RIPOR3: variants seen among roughly 807,000 people sequenced by gnomAD.
RIPOR3 encodes family with sequence similarity 65 member C.
RIPOR3 carries 95 observed loss-of-function variants against 114.3 expected under a neutral mutation model. The observed-to-expected ratio is 0.83, with a 90% CI of 0.70 to 0.99. RIPOR3 has a LOEUF of 0.99. Among genes scored for constraint, RIPOR3 ranks in the 50% least tolerant of loss-of-function variants. RIPOR3 has a pLI of 0.00. For missense variants in RIPOR3, 1,252 were observed against 1,266.9 expected (o/e 0.99, Z 0.18); for synonymous variants, 575 against 543.8 (o/e 1.06, Z -0.80).
chr20:50,670,534 C>T (rs1391313921), intron 1 of RIPOR3, among the ~76,000 whole-genome samples: 2 of 152,120 alleles, frequency 1.3e-5, no homozygotes, highest in Admixed American at 6.6e-5. Flanking sequence ...ATATCAGATC[C>T]ATTGCAGGAA....
At chr20:50,682,505 G>A (rs1312231011) in intron 1 of RIPOR3, among the ~76,000 whole-genome samples, 2 of 150,468 alleles carry the variant, frequency 1.3e-5, no homozygotes, top group African/African-American at 2.4e-5. Flanking sequence ...TACCAGGGAG[G>A]CTGAGGTGGG....
intron 14 of RIPOR3, 183 bp downstream of exon 14, chr20:50,597,397 C>T (rs2083330107): frequency 2.3e-6 from 2 of 865,258 alleles, no homozygotes; most frequent in Non-Finnish European, 1.7e-6. Context: ...TCTCTGAGGA[C>T]CGGCTCTGAG....
chr20:50,591,972 G>A (rs2083122530), intron 19 of RIPOR3, among the ~76,000 whole-genome samples: 1 of 152,142 alleles, frequency 6.6e-6, no homozygotes, highest in Admixed American at 6.5e-5. Context: ...GTGGGCGCCT[G>A]TAATCCCAGC....
chr20:50,672,045 G>A (rs1053311763), intron 1 of RIPOR3, among the ~76,000 whole-genome samples: 7 of 152,050 alleles, frequency 4.6e-5, no homozygotes, highest in Non-Finnish European at 8.8e-5. Context: ...TGGGTGATTG[G>A]ATGGATGGAA....
At chr20:50,635,983 A>G (rs981792098) in intron 1 of RIPOR3, among the ~76,000 whole-genome samples, 2 of 151,830 alleles carry the variant, frequency 1.3e-5, no homozygotes, top group African/African-American at 4.8e-5. Flanking sequence ...ATCAAGCCCA[A>G]CCTCTTTTGG....
Position 50,592,378 on chromosome 20 carries a change from G to A in RIPOR3, c.2543C>T (p.Ala848Val), listed in dbSNP as rs1331073713. The A allele has an allele frequency of 6.2e-7, 1 of 1,604,060 alleles. No individual in the cohort carries two copies. Among genetic ancestry groups the A allele is most frequent in the Non-Finnish European group, 8.5e-7 (1 of 1,173,044 alleles). ...GAAGCTTCTGTTCCTGACTGCACCA[G>A]CCAGGCGAGCGCTGGCCGCCCTGCA... ...RVCRAASARL[A>V]GAVRNRSFRE... The change falls in exon 19 of 22, where the codon GCT becomes GTT. Residue 848 changes from alanine (A) to valine (V), a missense_variant. Physicochemically the swap from Ala to Val is moderately conservative, Grantham distance 64. Transcript: ENST00000327979.
intron 1 of RIPOR3, among the ~76,000 whole-genome samples, chr20:50,686,348 G>A (rs563633721): frequency 1.3e-5 from 2 of 152,170 alleles, no homozygotes; most frequent in East Asian, 1.9e-4. Flanking sequence ...GAGCCACTGC[G>A]CCCGGCCAAG....
rs552589559 is a variant in RIPOR3 at position 50,650,459 on chromosome 20, C to A, written c.4-19603G>T. On this transcript the variant is annotated intron_variant, in intron 1 of 21. Coordinates refer to ENST00000327979, the MANE Select transcript of RIPOR3 (RefSeq NM_001290268.2). The stretch of plus-strand genomic sequence containing the variant: ...CTGGGACCACAGGTGTGCACCACCA[C>A]ACCTGGCTAACTTTTTGTACTTTTA... Among the ~76,000 whole-genome samples, 9 of 152,226 alleles carry A rather than the reference C, an allele frequency of 5.9e-5. No homozygotes were observed. In the South Asian group the frequency reaches 1.7e-3, roughly 28 times the overall value.
intron 1 of RIPOR3, among the ~76,000 whole-genome samples, chr20:50,646,884 C>T (rs897895433): frequency 3.3e-5 from 5 of 152,162 alleles, no homozygotes; most frequent in Non-Finnish European, 7.3e-5. Context: ...GAGATGATTT[C>T]GTTGGGAATG....
At chr20:50,588,583 G>A (rs1008957296) in intron 20 of RIPOR3, among the ~76,000 whole-genome samples, 14 of 151,994 alleles carry the variant, frequency 9.2e-5, no homozygotes, top group African/African-American at 2.4e-4. Context: ...TCTAGCCTAA[G>A]GAAATAATTC....
At chr20:50,673,244 C>T (rs142252400) in intron 1 of RIPOR3, among the ~76,000 whole-genome samples, 143 of 152,306 alleles carry the variant, frequency 9.4e-4, no homozygotes, top group Admixed American at 4.2e-3. Flanking sequence ...CTAGGTGCCA[C>T]GCGCCCATGC....
intron 1 of RIPOR3, among the ~76,000 whole-genome samples, chr20:50,664,129 G>T (rs563163076): frequency 4.1e-4 from 62 of 152,240 alleles, no homozygotes; most frequent in Non-Finnish European, 7.9e-4. Context: ...GTTTCACCAT[G>T]TTGGTCAGGC....
chr20:50,636,855 C>G, intron 1 of RIPOR3: 1 of 985,498 alleles, frequency 1.0e-6, no homozygotes, highest in Non-Finnish European at 1.2e-6. Context: ...TGCAATTTCA[C>G]CTCATTTAGA....
chr20:50,689,729 G>C (rs188941859), intron 1 of RIPOR3, among the ~76,000 whole-genome samples: 2 of 152,102 alleles, frequency 1.3e-5, no homozygotes, highest in East Asian at 1.9e-4. Flanking sequence ...ACCTGGGACT[G>C]GGGGGGCTTC....
At chr20:50,599,890 G>A (rs975926903) in intron 13 of RIPOR3, among the ~76,000 whole-genome samples, 1 of 150,266 alleles carries the variant, frequency 6.7e-6, no homozygotes, top group Non-Finnish European at 1.5e-5. Context: ...GTATGTATGC[G>A]CTCACACACA....
At chr20:50,681,139 T>C (rs533680310) in intron 1 of RIPOR3, among the ~76,000 whole-genome samples, 1 of 148,884 alleles carries the variant, frequency 6.7e-6, no homozygotes, top group Non-Finnish European at 1.5e-5. Flanking sequence ...TGGGAGGATC[T>C]GCTTGAGCCC....
At chr20:50,666,782 A>G (rs2123494656) in intron 1 of RIPOR3, among the ~76,000 whole-genome samples, 1 of 151,450 alleles carries the variant, frequency 6.6e-6, no homozygotes, top group African/African-American at 2.4e-5. Flanking sequence ...GCTGGTCTCT[A>G]ACTCCTGGCC....
chr20:50,597,857 G>A (rs1045899312), intron 13 of RIPOR3, 147 bp from the exon 14 acceptor site: 7 of 1,263,102 alleles, frequency 5.5e-6, no homozygotes, highest in African/African-American at 3.0e-5. Flanking sequence ...AAGCCCAGCC[G>A]CTGGCCCAAG....
chr20:50,679,673 G>A lies in RIPOR3; in HGVS notation c.3+11453C>T, dbSNP rs144925977. On this transcript the variant is annotated intron_variant, in intron 1 of 21. Transcript: ENST00000327979. ...AGTCCTAGCTACTCGGGAGGCTGAG[G>A]CAGGAGAATCACTTGAACCTGGGAG... 2.9e-3 allele frequency among the ~76,000 whole-genome samples: 434 copies of A among 151,434 alleles called. 5 individuals carry two copies. The highest frequency in any genetic ancestry group is 9.9e-3 in the African/African-American group (410 of 41,294).
Sources: allele counts gnomAD v4.1 joint callset (sites outside exome capture counted in the v4.1 genomes callset), GRCh38; gene constraint gnomAD v4.1.1; transcripts MANE v1.5; gene names NCBI Gene and HGNC (gene_info 2026-07-23, HGNC 2026-07-21).